Variants in EPB41L4A observed in about 807,000 individuals in gnomAD.
EPB41L4A encodes the protein erythrocyte membrane protein band 4.1 like 4A.
In EPB41L4A, 100 loss-of-function variants were observed where a neutral mutation model predicts 108.6. The observed-to-expected ratio is 0.92, with a 90% CI of 0.78 to 1.09. The LOEUF (loss-of-function observed/expected upper bound fraction) is 1.09. Among genes scored for constraint, EPB41L4A ranks in the 50% least tolerant of loss-of-function variants. The probability of loss-of-function intolerance (pLI) is 0.00; values close to 1 mark genes in which losing one functional copy is unlikely to be tolerated. For missense variants in EPB41L4A, 1,030 were observed against 842.7 expected (o/e 1.22, Z -2.75); for synonymous variants, 319 against 289.0 (o/e 1.10, Z -1.05).
intron 9 of EPB41L4A, among the ~76,000 whole-genome samples, chr5:112,242,018 C>CT (rs1749823478): frequency 6.6e-6 from 1 of 152,138 alleles, no homozygotes; most frequent in African/African-American, 2.4e-5. Context: ...AAGTCATAAT[C>CT]TTTTGGTTGG....
intron 2 of EPB41L4A, among the ~76,000 whole-genome samples, chr5:112,297,142 T>C (rs60311998): frequency 0.16 from 23,588 of 152,152 alleles, 1,961 homozygotes; most frequent in East Asian, 0.28. Flanking sequence ...TCTTTTCCTC[T>C]GGGTGGATAC....
At chr5:112,253,933 G>T (rs1237809893) in intron 9 of EPB41L4A, among the ~76,000 whole-genome samples, 1 of 152,128 alleles carries the variant, frequency 6.6e-6, no homozygotes. Context: ...TCTTGCGCTT[G>T]TTGACAAACA....
At chr5:112,383,106 TA>T (rs1561627858) in intron 1 of EPB41L4A, among the ~76,000 whole-genome samples, 1 of 152,168 alleles carries the variant, frequency 6.6e-6, no homozygotes, top group Non-Finnish European at 1.5e-5. Context: ...GTTAGATGAA[TA>T]CTCTCCAGTC....
At chr5:112,345,778 TATACACACACACACACACACAC>T (rs1230786257) in intron 1 of EPB41L4A, among the ~76,000 whole-genome samples, 9 of 130,782 alleles carry the variant, frequency 6.9e-5, no homozygotes, top group Admixed American at 3.2e-4. Flanking sequence ...CATATATATA[TATACACACACACACACACACAC>T]ACACACACAC....
intron 2 of EPB41L4A, among the ~76,000 whole-genome samples, chr5:112,281,652 T>A (rs370850954): frequency 1.3e-5 from 2 of 152,254 alleles, no homozygotes; most frequent in South Asian, 4.1e-4. Context: ...CCACGTTCCA[T>A]CCAGCACTCA....
At chr5:112,224,149 A>T (rs1168584154) in intron 12 of EPB41L4A, among the ~76,000 whole-genome samples, 2 of 152,056 alleles carry the variant, frequency 1.3e-5, no homozygotes, top group Non-Finnish European at 2.9e-5. Flanking sequence ...ACAGGGTTTC[A>T]CCACGTTGGC....
chr5:112,287,910 T>C (rs1753389856), intron 2 of EPB41L4A, among the ~76,000 whole-genome samples: 1 of 152,058 alleles, frequency 6.6e-6, no homozygotes, highest in Non-Finnish European at 1.5e-5. Flanking sequence ...ATAAATGAAA[T>C]GTAAGAAGAG....
At chr5:112,394,051 A>T (rs1761155141) in intron 1 of EPB41L4A, among the ~76,000 whole-genome samples, 1 of 152,228 alleles carries the variant, frequency 6.6e-6, no homozygotes, top group African/African-American at 2.4e-5. Flanking sequence ...CCTTCATGCC[A>T]AAAACTCTCA....
chr5:112,404,572 C>A (rs1454276661), intron 1 of EPB41L4A, among the ~76,000 whole-genome samples: 2 of 152,154 alleles, frequency 1.3e-5, no homozygotes, highest in Non-Finnish European at 2.9e-5. Context: ...CTTCTCCAAG[C>A]TAGGAAATGA....
intron 4 of EPB41L4A, among the ~76,000 whole-genome samples, chr5:112,266,976 T>TA (rs1580567765): frequency 6.6e-6 from 1 of 152,196 alleles, no homozygotes; most frequent in Admixed American, 6.5e-5. Context: ...AGAAAACTGA[T>TA]AGACTCAGGG....
intron 1 of EPB41L4A, among the ~76,000 whole-genome samples, chr5:112,399,188 G>A (rs1761574360): frequency 6.6e-6 from 1 of 151,714 alleles, no homozygotes; most frequent in Non-Finnish European, 1.5e-5. Context: ...TTATACCCCA[G>A]CCACACTGGG....
intron 1 of EPB41L4A, among the ~76,000 whole-genome samples, chr5:112,380,792 TACACACAC>T (rs34831455): frequency 0.017 from 2,388 of 141,184 alleles, 42 homozygotes; most frequent in East Asian, 0.083. Flanking sequence ...ATCACACACA[TACACACAC>T]ACACACACAC....
At chr5:112,172,985 T>A (rs570609408) in intron 18 of EPB41L4A, among the ~76,000 whole-genome samples, 21 of 152,296 alleles carry the variant, frequency 1.4e-4, no homozygotes, top group African/African-American at 5.1e-4. Flanking sequence ...TAGACGCCAG[T>A]AGCACCTCCC....
chr5:112,321,064 G>C (rs1480437012), intron 1 of EPB41L4A, among the ~76,000 whole-genome samples: 3 of 152,114 alleles, frequency 2.0e-5, no homozygotes, highest in Non-Finnish European at 4.4e-5. Flanking sequence ...ATCTTGCCTG[G>C]TCAGATGACA....
intron 1 of EPB41L4A, among the ~76,000 whole-genome samples, chr5:112,354,114 A>G (rs1250854692): frequency 6.6e-6 from 1 of 152,220 alleles, no homozygotes; most frequent in Non-Finnish European, 1.5e-5. Flanking sequence ...CTGCAAAACA[A>G]AGATAGTAAG....
intron 12 of EPB41L4A, among the ~76,000 whole-genome samples, chr5:112,152,967 C>T (rs1027022836): frequency 1.4e-4 from 21 of 152,256 alleles, no homozygotes; most frequent in African/African-American, 5.1e-4. Flanking sequence ...GCCTGTAATC[C>T]CAGCACTTTG....
downstream of EPB41L4A, among the ~76,000 whole-genome samples, chr5:112,160,073 A>G (rs1480380567): frequency 6.6e-6 from 1 of 151,112 alleles, no homozygotes; most frequent in East Asian, 2.0e-4. Context: ...ACCAAGCCCA[A>G]GTAATTTTTG....
chr5:112,371,247 G>T (rs746896440), intron 1 of EPB41L4A, among the ~76,000 whole-genome samples: 1 of 152,136 alleles, frequency 6.6e-6, no homozygotes, highest in Admixed American at 6.5e-5. Context: ...CCACATTCCT[G>T]CTTAGCGTTT....
chr5:112,299,121 C>T (rs887906031), intron 2 of EPB41L4A, among the ~76,000 whole-genome samples: 2 of 151,948 alleles, frequency 1.3e-5, no homozygotes, highest in Non-Finnish European at 2.9e-5. Context: ...TTATCTTTTG[C>T]ATTTCTTTTT....
Sources: gnomAD v4.1 joint callset for allele counts (sites outside exome capture counted in the v4.1 genomes callset) on GRCh38, gnomAD v4.1.1 for gene constraint, MANE v1.5 for transcripts, NCBI Gene and HGNC (gene_info 2026-07-23, HGNC 2026-07-21) for gene names.